Variants in TTC34 observed in about 807,000 individuals in gnomAD.
The protein encoded by TTC34 is tetratricopeptide repeat domain 34, also known as tetratricopeptide repeat protein 34.
A neutral mutation model predicts 40.7 loss-of-function variants in TTC34; 44 were observed. The ratio of observed to expected loss-of-function variants is 1.08; its 90% CI spans 0.85 to 1.39. TTC34 has a LOEUF of 1.39. TTC34 is among the 40% of genes most tolerant of loss of function. The pLI is 0.00. For missense variants in TTC34, 884 were observed against 838.0 expected (o/e 1.05, Z -0.68); for synonymous variants, 422 against 398.6 (o/e 1.06, Z -0.70).
At position 2,750,367 on chromosome 1, in the gene TTC34, C is replaced by G. The variant is rs1241842633; in HGVS notation, c.2226+33242G>C. ...CAGCCTTGAACAGCACCCTGCACCCCGAGGTGAGCATCTGACAGCCTGGAA... is the reference window on the plus strand; with the variant it reads ...CAGCCTTGAACAGCACCCTGCACCCGGAGGTGAGCATCTGACAGCCTGGAA... On this transcript the variant is annotated intron_variant, in intron 6 of 8. Coordinates refer to ENST00000401095, the Ensembl canonical transcript of TTC34. 2.8e-5 allele frequency among the ~76,000 whole-genome samples: 3 copies of G among 106,496 alleles called. 1 individual carries two copies. The highest frequency in any genetic ancestry group is 4.4e-5 in the African/African-American group (1 of 22,756). 69.9% of individuals were successfully genotyped at this position (106,496 alleles called of 152,430 possible).
Position 2,683,402 on chromosome 1 carries a change from G to A in TTC34, c.2227-37839C>T, listed in dbSNP as rs1209721245. 9.3e-5 allele frequency among the ~76,000 whole-genome samples: 13 copies of A among 140,228 alleles called. 1 individual carries two copies. Among genetic ancestry groups the A allele is most frequent in the Non-Finnish European group, 1.7e-4 (11 of 65,070 alleles). The allele number at this position is 140,228 out of a possible 152,430, so 92.0% of individuals were successfully genotyped here. Reference sequence around the variant, plus strand: ...GAACAGCACCCACACGCCCAGGTGAGCATCCGATAGCCTGGAACACCACCC... The same window carrying A: ...GAACAGCACCCACACGCCCAGGTGAACATCCGATAGCCTGGAACACCACCC... On this transcript the variant is annotated intron_variant, in intron 6 of 8. Coordinates refer to ENST00000401095, the Ensembl canonical transcript of TTC34.
chr1:2,655,247 C>CCCT (rs1473428097), intron 6 of TTC34, among the ~76,000 whole-genome samples: 1 of 31,362 alleles, frequency 3.2e-5, no homozygotes, highest in Admixed American at 5.2e-4. Context: ...TGGAGCAGCA[C>CCCT]GCACACCCCC....
At chr1:2,685,601 C>T (rs570460178) in intron 6 of TTC34, among the ~76,000 whole-genome samples, 1 of 131,070 alleles carries the variant, frequency 7.6e-6, no homozygotes, top group Non-Finnish European at 1.6e-5. Context: ...ACCCACACCC[C>T]CAGGCGAGCA....
At chr1:2,688,150 C>T (rs61765686) in intron 6 of TTC34, among the ~76,000 whole-genome samples, 1 of 74,720 alleles carries the variant, frequency 1.3e-5, no homozygotes, top group African/African-American at 4.2e-5. Flanking sequence ...ATCTGACGGC[C>T]TGGAAGGGCA....
intron 6 of TTC34, among the ~76,000 whole-genome samples, chr1:2,657,574 C>A (rs1323926312): frequency 1.2e-4 from 12 of 98,776 alleles, no homozygotes; most frequent in African/African-American, 2.8e-4. Flanking sequence ...CGCAGTAGCA[C>A]CCACAAGCAC....
At chr1:2,756,877 G>C (rs1641524432) in intron 6 of TTC34, among the ~76,000 whole-genome samples, 1 of 151,792 alleles carries the variant, frequency 6.6e-6, no homozygotes, top group Non-Finnish European at 1.5e-5. Flanking sequence ...CTCCAGGTGA[G>C]CATCTGATGG....
intron 6 of TTC34, among the ~76,000 whole-genome samples, chr1:2,751,597 A>G (rs1641322202): frequency 1.2e-5 from 1 of 85,924 alleles, no homozygotes; most frequent in Non-Finnish European, 2.3e-5. Context: ...AGCCTGCAAC[A>G]GCACCCACAC....
At chr1:2,688,255 G>C (rs1384303735) in intron 6 of TTC34, among the ~76,000 whole-genome samples, 1 of 140,434 alleles carries the variant, frequency 7.1e-6, no homozygotes, top group Admixed American at 7.0e-5. Flanking sequence ...ACACCCCCAG[G>C]GGAGCATGTG....
intron 6 of TTC34, among the ~76,000 whole-genome samples, chr1:2,769,742 G>C (rs1641995232): frequency 7.0e-6 from 1 of 142,236 alleles, no homozygotes; most frequent in African/African-American, 2.7e-5. Context: ...GCCTGGAGCA[G>C]CGCCCACACC....
At chr1:2,687,422 G>C (rs1570817745) in intron 6 of TTC34, among the ~76,000 whole-genome samples, 1 of 150,936 alleles carries the variant, frequency 6.6e-6, no homozygotes, top group African/African-American at 2.5e-5. Flanking sequence ...GTGAGCATCT[G>C]ATGGTCTGGA....
chr1:2,784,899 TGTC>T (rs1014759924), intron 5 of TTC34, among the ~76,000 whole-genome samples: 15 of 152,206 alleles, frequency 9.9e-5, no homozygotes, highest in Non-Finnish European at 2.9e-5. Context: ...CCAAAGAGGC[TGTC>T]ATTACTGTGC....
intron 6 of TTC34, among the ~76,000 whole-genome samples, chr1:2,780,939 A>G (rs1643472926): frequency 6.6e-6 from 1 of 152,058 alleles, no homozygotes; most frequent in South Asian, 2.1e-4. Context: ...TATTTCAGCA[A>G]TGTTTTATAG....
At chr1:2,642,987 G>C (rs559394003) in intron 8 of TTC34, among the ~76,000 whole-genome samples, 1 of 152,316 alleles carries the variant, frequency 6.6e-6, no homozygotes, top group South Asian at 2.1e-4. Flanking sequence ...CTCTCCGGGC[G>C]GAGGCACCTG....
intron 6 of TTC34, among the ~76,000 whole-genome samples, chr1:2,778,241 G>A (rs900013030): frequency 2.5e-4 from 38 of 152,356 alleles, no homozygotes; most frequent in African/African-American, 8.9e-4. Context: ...CAGAAGCCCT[G>A]GCAGGCACAT....
At chr1:2,747,648 C>T (rs1641196249) in intron 6 of TTC34, among the ~76,000 whole-genome samples, 3 of 145,668 alleles carry the variant, frequency 2.1e-5, no homozygotes, top group Admixed American at 6.8e-5. Flanking sequence ...CCCAGGTGAG[C>T]ATCTGACAGC....
chr1:2,685,699 G>C (rs1204069335), intron 6 of TTC34, among the ~76,000 whole-genome samples: 186 of 124,138 alleles, frequency 1.5e-3, no homozygotes, highest in East Asian at 4.8e-3. Flanking sequence ...GCATCTGACA[G>C]CCTGGGTCCG....
chr1:2,687,689 C>A (rs1310306824), intron 6 of TTC34, among the ~76,000 whole-genome samples: 249 of 132,520 alleles, frequency 1.9e-3, no homozygotes, highest in African/African-American at 5.7e-3. Flanking sequence ...ACGCACACCC[C>A]CAGTTGAGCA....
chr1:2,695,037 C>CA (rs1640796978), intron 6 of TTC34, among the ~76,000 whole-genome samples: 1 of 151,480 alleles, frequency 6.6e-6, no homozygotes, highest in African/African-American at 2.4e-5. Flanking sequence ...CCTGCACCCC[C>CA]AGGTGAGCAT....
At chr1:2,686,482 C>T (rs534638336) in intron 6 of TTC34, among the ~76,000 whole-genome samples, 2 of 136,466 alleles carry the variant, frequency 1.5e-5, no homozygotes, top group East Asian at 2.2e-4. Flanking sequence ...CACCCACATG[C>T]CCAGCTGAGC....
Sources: allele counts gnomAD v4.1 joint callset (sites outside exome capture counted in the v4.1 genomes callset), GRCh38; gene constraint gnomAD v4.1.1; transcripts MANE v1.5; gene names NCBI Gene and HGNC (gene_info 2026-07-23, HGNC 2026-07-21).